The following AHI1 variants were observed in gnomAD, a reference collection of about 807,000 sequenced individuals.
AHI1 encodes the protein jouberin.
In AHI1, 123 loss-of-function variants were observed where a neutral mutation model predicts 149.3. The ratio of observed to expected loss-of-function variants is 0.82; its 90% CI spans 0.71 to 0.96. AHI1 has a LOEUF of 0.96. Ranked by LOEUF, AHI1 falls within the 40% of genes least tolerant of loss-of-function variation. AHI1 has a pLI of 0.00. For missense variants in AHI1, 1,439 were observed against 1,422.7 expected (o/e 1.01, Z -0.18); for synonymous variants, 475 against 459.8 (o/e 1.03, Z -0.42).
In AHI1 at chr6:135,433,168, C is replaced by A. The variant is rs752009063; in HGVS notation, c.2125G>T (p.Val709Leu). ...FVYTAKFHPA[V>L]RELVVTGCYD... ...CATCCTGTAACTACTAGCTCTCTTA[C>A]AGCTGGATGGAATTTAGCCGTGTAA... is the stretch of plus-strand genomic sequence containing the variant. The change falls in exon 16 of 29, where the codon GTA becomes TTA. Residue 709 changes from valine (V) to leucine (L), a missense_variant. By Grantham distance (32) the Val-to-Leu change is conservative (BLOSUM62 1). Coordinates refer to ENST00000265602, the MANE Select transcript of AHI1 (RefSeq NM_001134831.2). The A allele has an allele frequency of 6.2e-7, 1 of 1,613,056 alleles. No individual in the cohort carries two copies. The highest frequency in any genetic ancestry group is 1.3e-5 in the African/African-American group (1 of 74,908).
chr6:135,347,118 C>A (rs1007523643), intron 24 of AHI1, among the ~76,000 whole-genome samples: 3 of 152,162 alleles, frequency 2.0e-5, no homozygotes, highest in South Asian at 4.1e-4. Context: ...TAGATAATTT[C>A]CATGGTGGAT....
chr6:135,461,976 C>G (rs1038781277), intron 8 of AHI1, among the ~76,000 whole-genome samples: 1 of 151,844 alleles, frequency 6.6e-6, no homozygotes, highest in African/African-American at 2.4e-5. Flanking sequence ...TGTTCTGTTT[C>G]CAAATTTAGG....
At position 135,288,552 on chromosome 6, in the gene AHI1, C is replaced by T. The variant is rs1164748983; in HGVS notation, c.3588+1871G>A. Among the ~76,000 whole-genome samples, 5 of 151,906 alleles carry T rather than the reference C, an allele frequency of 3.3e-5. No homozygotes were observed. In the East Asian group the frequency reaches 7.7e-4, roughly 23 times the overall value. On this transcript the variant is annotated intron_variant, in intron 28 of 28. Transcript: ENST00000265602. ...TAATCTTACTACTCAGATAATTATTCATGTCTTTTGATGTATATTATATAA... is the reference window on the plus strand; with the variant it reads ...TAATCTTACTACTCAGATAATTATTTATGTCTTTTGATGTATATTATATAA...
chr6:135,406,680 G>A lies in AHI1; in HGVS notation c.2962-1703C>T, dbSNP rs141540868. 3.1e-4 allele frequency among the ~76,000 whole-genome samples: 47 copies of A among 152,164 alleles called. No individual in the cohort carries two copies. The East Asian group carries it at 8.1e-3, about 26-fold the overall frequency. The stretch of plus-strand genomic sequence containing the variant: ...TTCAAAATTGGCATAAAACATTTTC[G>A]AACCCATTCAATCCATACTCCTATG... On this transcript the variant is annotated intron_variant, in intron 21 of 28. Coordinates refer to ENST00000265602, the MANE Select transcript of AHI1 (RefSeq NM_001134831.2).
At chr6:135,444,500 T>G (rs1283565562) in intron 13 of AHI1, among the ~76,000 whole-genome samples, 2 of 152,210 alleles carry the variant, frequency 1.3e-5, no homozygotes, top group Non-Finnish European at 1.5e-5. Context: ...TGCCTTCATA[T>G]GAAATACCCG....
intron 23 of AHI1, among the ~76,000 whole-genome samples, chr6:135,360,566 T>C (rs2614276): frequency 0.71 from 108,520 of 152,134 alleles, 40,063 homozygotes; most frequent in African/African-American, 0.92. Context: ...TTAAAGTAAA[T>C]CTTTCTCTCT....
intron 26 of AHI1, chr6:135,301,373 A>G: frequency 1.0e-6 from 1 of 980,802 alleles, no homozygotes; most frequent in Non-Finnish European, 1.2e-6. Context: ...CAGAAAACAT[A>G]AAAACAAAAT....
intron 28 of AHI1, among the ~76,000 whole-genome samples, chr6:135,288,863 T>C (rs1052280045): frequency 6.6e-6 from 1 of 151,838 alleles, no homozygotes; most frequent in Non-Finnish European, 1.5e-5. Flanking sequence ...AACCCTAACA[T>C]ATTACCTAAT....
chr6:135,435,850 T>C (rs146197398), intron 15 of AHI1, among the ~76,000 whole-genome samples: 1 of 152,246 alleles, frequency 6.6e-6, no homozygotes, highest in African/African-American at 2.4e-5. Context: ...GTGAGCCTTT[T>C]AGGAGGGAGA....
intron 23 of AHI1, among the ~76,000 whole-genome samples, chr6:135,390,721 T>G (rs538522286): frequency 6.6e-6 from 1 of 152,230 alleles, no homozygotes; most frequent in Non-Finnish European, 1.5e-5. Context: ...AATTGAGTAA[T>G]AAAAGTTTTG....
intron 23 of AHI1, among the ~76,000 whole-genome samples, chr6:135,382,942 TATATATATATATAC>T (rs1217745197): frequency 8.8e-6 from 1 of 113,372 alleles, no homozygotes; most frequent in Non-Finnish European, 1.7e-5. Flanking sequence ...TATATATATA[TATATATATATATAC>T]ATATAAAATA....
At chr6:135,290,990 T>C (rs1394777998) in intron 27 of AHI1, among the ~76,000 whole-genome samples, 6 of 151,770 alleles carry the variant, frequency 4.0e-5, no homozygotes, top group Admixed American at 1.3e-4. Context: ...GAAGGAAATT[T>C]ATATATAAGA....
At position 135,438,367 on chromosome 6, in the gene AHI1, A is replaced by C; in HGVS notation, c.2036+8T>G. ...GCATGCACATAAGTACTTCTCAAGG[A>C]TACTAACCTGGCAGTGCCATCAGAT... On this transcript the variant is annotated splice_region_variant and intron_variant, in intron 15 of 28. Transcript: ENST00000265602. 6.3e-7 allele frequency: 1 copy of C among 1,581,336 alleles called. No individual in the cohort carries two copies. Among genetic ancestry groups the C allele is most frequent in the African/African-American group, 1.3e-5 (1 of 74,580 alleles).
chr6:135,452,120 G>T (rs1184227207), intron 11 of AHI1, among the ~76,000 whole-genome samples: 2 of 152,136 alleles, frequency 1.3e-5, no homozygotes, highest in Non-Finnish European at 2.9e-5. Context: ...TAATAATGTA[G>T]GTAACAGGTC....
In AHI1 at chr6:135,354,530, C is replaced by G. The variant is rs548056018; in HGVS notation, c.3165+3602G>C. ...TACTTCCTTATGCTAGTTGCCATTT[C>G]CCTTTGATTTGCAAATAAGTCCTTC... On this transcript the variant is annotated intron_variant, in intron 24 of 28. Transcript: ENST00000265602. Among the ~76,000 whole-genome samples the G allele has an allele frequency of 2.2e-4, 33 of 152,232 alleles. 1 individual carries two copies. In the South Asian group the frequency reaches 4.1e-3, roughly 19 times the overall value.
chr6:135,312,986 G>A (rs1562481133), intron 26 of AHI1, among the ~76,000 whole-genome samples: 1 of 152,146 alleles, frequency 6.6e-6, no homozygotes, highest in African/African-American at 2.4e-5. Flanking sequence ...TCTGTGGGAG[G>A]TTTATAAGGT....
chr6:135,472,294 C>A (rs890155330), intron 5 of AHI1, among the ~76,000 whole-genome samples: 1 of 152,098 alleles, frequency 6.6e-6, no homozygotes, highest in South Asian at 2.1e-4. Flanking sequence ...CCATCTATAG[C>A]CTTTTGTGTC....
intron 13 of AHI1, among the ~76,000 whole-genome samples, chr6:135,442,989 C>A (rs1562782183): frequency 6.6e-6 from 1 of 152,076 alleles, no homozygotes; most frequent in East Asian, 1.9e-4. Flanking sequence ...TACTCTAAAG[C>A]CATCACTGCC....
intron 23 of AHI1, among the ~76,000 whole-genome samples, chr6:135,378,604 C>T (rs1464130814): frequency 1.3e-5 from 2 of 152,060 alleles, no homozygotes; most frequent in African/African-American, 4.8e-5. Flanking sequence ...TGTGTTCAAT[C>T]CTTAAAATAT....
Sources: allele counts gnomAD v4.1 joint callset (sites outside exome capture counted in the v4.1 genomes callset), GRCh38; gene constraint gnomAD v4.1.1; transcripts MANE v1.5; gene names NCBI Gene and HGNC (gene_info 2026-07-23, HGNC 2026-07-21).